Variants in AFF1 observed in about 807,000 individuals in gnomAD.
The protein encoded by AFF1 is AF4/FMR2 family member 1.
A neutral mutation model predicts 121.7 loss-of-function variants in AFF1; 48 were observed. The ratio of observed to expected loss-of-function variants is 0.39; its 90% CI spans 0.31 to 0.50. The LOEUF (loss-of-function observed/expected upper bound fraction) is 0.50. AFF1 is among the 20% of genes least tolerant of loss of function. The probability of loss-of-function intolerance (pLI) is 0.76; values close to 1 mark genes in which losing one functional copy is unlikely to be tolerated. For missense variants in AFF1, 1,523 were observed against 1,511.7 expected (o/e 1.01, Z -0.12); for synonymous variants, 613 against 563.0 (o/e 1.09, Z -1.26).
chr4:87,086,726 C>A (rs945057106), intron 5 of AFF1, among the ~76,000 whole-genome samples: 4 of 152,168 alleles, frequency 2.6e-5, no homozygotes, highest in African/African-American at 9.7e-5. Context: ...TTACTCTTGA[C>A]GCTGACCCAG....
chr4:87,051,789 C>T (rs1163877822), intron 4 of AFF1, among the ~76,000 whole-genome samples: 1 of 152,144 alleles, frequency 6.6e-6, no homozygotes, highest in Non-Finnish European at 1.5e-5. Context: ...TATTAACCCT[C>T]CACTGTGTTC....
At chr4:87,131,942 G>C in intron 18 of AFF1, 78 bp downstream of exon 18, 1 of 1,255,226 alleles carries the variant, frequency 8.0e-7, no homozygotes, top group African/African-American at 1.6e-5. Flanking sequence ...TCTGAAATTT[G>C]TTTTCTTAAT....
intron 2 of AFF1, among the ~76,000 whole-genome samples, chr4:86,988,545 CACAA>C (rs1724469783): frequency 6.6e-6 from 1 of 152,106 alleles, no homozygotes; most frequent in Middle Eastern, 3.2e-3. Context: ...TAAGAGAGGA[CACAA>C]ACAAATGGAA....
chr4:87,084,939 A>C (rs1317994744), intron 5 of AFF1, among the ~76,000 whole-genome samples: 2 of 152,370 alleles, frequency 1.3e-5, no homozygotes, highest in African/African-American at 4.8e-5. Flanking sequence ...GGTGATACCT[A>C]ATACCTATGG....
chr4:86,994,123 C>T (rs1013661625), intron 2 of AFF1, among the ~76,000 whole-genome samples: 1 of 152,240 alleles, frequency 6.6e-6, no homozygotes, highest in Admixed American at 6.5e-5. Flanking sequence ...GGTTCTAACT[C>T]AACTGCACAC....
At chr4:86,986,228 C>A (rs980009840) in intron 2 of AFF1, among the ~76,000 whole-genome samples, 1 of 151,914 alleles carries the variant, frequency 6.6e-6, no homozygotes, top group Non-Finnish European at 1.5e-5. Flanking sequence ...CCTGCCACCA[C>A]GCCCAGCTAA....
At chr4:87,117,734 T>C (rs990508850) in intron 12 of AFF1, among the ~76,000 whole-genome samples, 4 of 152,220 alleles carry the variant, frequency 2.6e-5, no homozygotes, top group African/African-American at 9.6e-5. Context: ...CAGTCAACCG[T>C]ATTCTTATTT....
intron 5 of AFF1, among the ~76,000 whole-genome samples, chr4:87,089,351 T>G (rs184794220): frequency 6.6e-6 from 1 of 152,322 alleles, no homozygotes; most frequent in East Asian, 1.9e-4. Context: ...ATTGTAAGTT[T>G]TAGAAATCTT....
chr4:87,045,187 C>T (rs1046453520), intron 2 of AFF1, among the ~76,000 whole-genome samples: 2 of 152,106 alleles, frequency 1.3e-5, no homozygotes, highest in South Asian at 2.1e-4. Flanking sequence ...AGGTACTGAC[C>T]GACAGCCTTA....
chr4:87,046,022 C>T (rs984976965), intron 2 of AFF1, 144 bp from the exon 3 acceptor site: 2 of 1,035,466 alleles, frequency 1.9e-6, no homozygotes, highest in Admixed American at 2.7e-5. Context: ...GGTTAAGGAA[C>T]TTAGGCTTTC....
chr4:86,959,592 A>G (rs972632498), intron 2 of AFF1, among the ~76,000 whole-genome samples: 1 of 151,096 alleles, frequency 6.6e-6, no homozygotes, highest in African/African-American at 2.4e-5. Flanking sequence ...TCTGTTAGGG[A>G]AGTCAGAGTG....
intron 10 of AFF1, among the ~76,000 whole-genome samples, chr4:87,107,729 G>GTC (rs376332803): frequency 1.4e-4 from 22 of 152,318 alleles, no homozygotes; most frequent in African/African-American, 4.8e-4. Context: ...GGCCATATAT[G>GTC]TCTCTATTGC....
At chr4:87,001,890 T>C (rs915254403) in intron 2 of AFF1, among the ~76,000 whole-genome samples, 1 of 152,178 alleles carries the variant, frequency 6.6e-6, no homozygotes, top group African/African-American at 2.4e-5. Flanking sequence ...CACCCTTCTC[T>C]TGGCAAAGTG....
chr4:87,000,070 A>G (rs974034333), intron 2 of AFF1, among the ~76,000 whole-genome samples: 1 of 152,226 alleles, frequency 6.6e-6, no homozygotes, highest in Non-Finnish European at 1.5e-5. Flanking sequence ...AACAAAATCA[A>G]TCATGTAGTG....
intron 2 of AFF1, among the ~76,000 whole-genome samples, chr4:86,979,581 GTTC>G (rs1281675603): frequency 3.9e-5 from 6 of 152,102 alleles, no homozygotes; most frequent in Admixed American, 1.3e-4. Flanking sequence ...TTATTTGAAA[GTTC>G]TTATTTTAAA....
intron 2 of AFF1, among the ~76,000 whole-genome samples, chr4:86,984,301 C>CT (rs376790039): frequency 4.0e-4 from 57 of 141,322 alleles, no homozygotes; most frequent in African/African-American, 8.3e-4. Flanking sequence ...TCAAGTGACC[C>CT]TTTTTTTTTT....
chr4:86,951,623 CTTTTT>C lies in AFF1; in HGVS notation c.38+3066_38+3070del, dbSNP rs1285365564. 3.9e-4 allele frequency among the ~76,000 whole-genome samples: 27 copies of C among 69,452 alleles called. 1 individual carries two copies. The East Asian group carries it at 0.011, about 29-fold the overall frequency. 45.6% of individuals were successfully genotyped at this position (69,452 alleles called of 152,430 possible). On this transcript the variant is annotated intron_variant, in intron 2 of 20. Transcript: ENST00000395146. ...TTTTCTTTTTCTTTTTTCTTTTTTT[CTTTTT>C]TTTTTTTTTTTTTGAGACGGAGTCT... is the stretch of plus-strand genomic sequence containing the variant.
intron 2 of AFF1, among the ~76,000 whole-genome samples, chr4:86,991,891 T>G (rs1199373730): frequency 6.6e-6 from 1 of 151,800 alleles, no homozygotes; most frequent in Non-Finnish European, 1.5e-5. Context: ...GTAGATGCTT[T>G]GGTCCTATTT....
intron 4 of AFF1, among the ~76,000 whole-genome samples, chr4:87,051,900 G>A (rs1731304151): frequency 6.6e-6 from 1 of 152,164 alleles, no homozygotes; most frequent in African/African-American, 2.4e-5. Context: ...TGATAATATA[G>A]TTATAATGAA....
Sources: gnomAD v4.1 joint callset for allele counts (sites outside exome capture counted in the v4.1 genomes callset) on GRCh38, gnomAD v4.1.1 for gene constraint, MANE v1.5 for transcripts, NCBI Gene and HGNC (gene_info 2026-07-23, HGNC 2026-07-21) for gene names.